The following TRIM11 variants were observed in gnomAD, a reference collection of about 807,000 sequenced individuals.
TRIM11 encodes tripartite motif containing 11, also known as E3 ubiquitin-protein ligase TRIM11.
In TRIM11, 15 loss-of-function variants were observed where a neutral mutation model predicts 33.4. The observed-to-expected ratio is 0.45, with a 90% CI of 0.30 to 0.69. The LOEUF is 0.69. TRIM11 is among the 30% of genes least tolerant of loss of function. The probability of loss-of-function intolerance (pLI) is 0.08; values close to 1 mark genes in which losing one functional copy is unlikely to be tolerated. For synonymous variants in TRIM11, 281 were observed against 302.6 expected (o/e 0.93, Z 0.74); for missense variants, 499 against 667.6 (o/e 0.75, Z 2.78).
In TRIM11 at chr1:228,406,757, G is replaced by A. The variant is rs1656435701; in HGVS notation, c.-196C>T. ...GCGCAGGACTCTGGGTTTCGGTAGC[G>A]CTGGGCGCGTAGGCTCCGAGCGCTC... On this transcript the variant is annotated 5_prime_UTR_variant, in exon 1 of 6. Transcript: ENST00000284551. This position sits in a 1 kb window ranked among gnomAD's most constrained non-coding sequence, Gnocchi z 8.2. The A allele has an allele frequency of 2.3e-6, 1 of 429,360 alleles. No individual in the cohort carries two copies. The highest frequency in any genetic ancestry group is 3.8e-6 in the Non-Finnish European group (1 of 260,564). The allele number at this position is 429,360 out of a possible 1,614,324, so 26.6% of individuals were successfully genotyped here.
At position 228,406,468 on chromosome 1, in the gene TRIM11, C is replaced by A; in HGVS notation, c.94G>T (p.Gly32Cys). The A allele has an allele frequency of 6.3e-7, 1 of 1,591,890 alleles. No individual in the cohort carries two copies. The highest frequency in any genetic ancestry group is 8.5e-7 in the Non-Finnish European group (1 of 1,172,908). The change falls in exon 1 of 6, where the codon GGC becomes TGC. Residue 32 changes from glycine (G) to cysteine (C), a missense_variant. Transcript: ENST00000284551. The surrounding 1 kb of genome is among the most constrained non-coding windows in gnomAD (Gnocchi z 8.2). The part of the protein sequence containing the change: ...YFTDPVMTDC[G>C]HNFCRECIRR... Reference sequence around the variant, plus strand: ...ATGCACTCGCGGCAGAAGTTGTGGCCGCAGTCGGTCATCACCGGATCCGTG... The same window carrying A: ...ATGCACTCGCGGCAGAAGTTGTGGCAGCAGTCGGTCATCACCGGATCCGTG...
intron 3 of TRIM11, among the ~76,000 whole-genome samples, chr1:228,399,055 T>C (rs527798114): frequency 6.6e-6 from 1 of 151,762 alleles, no homozygotes; most frequent in South Asian, 2.1e-4. Flanking sequence ...GGCCCCAGAG[T>C]CCACAGCAGC....
At position 228,403,345 on chromosome 1, in the gene TRIM11, A is replaced by G. The variant is rs1656295757; in HGVS notation, c.409-1184T>C. On this transcript the variant is annotated intron_variant, in intron 1 of 5. Coordinates refer to ENST00000284551, the MANE Select transcript of TRIM11 (RefSeq NM_145214.3). The surrounding 1 kb of genome is among the most constrained non-coding windows in gnomAD (Gnocchi z 4.8). ...GGGTCCAGAAGTCTGCCCCGGTAGC[A>G]GAGCCAGGACTTCAGCCCAGCTGCC... The G allele has an allele frequency of 6.6e-6, 1 of 152,276 alleles. No homozygotes were observed. The highest frequency in any genetic ancestry group is 2.1e-4 in the South Asian group (1 of 4,826). The allele number at this position is 152,276 out of a possible 1,614,324, so 9.4% of individuals were successfully genotyped here. A position where few individuals can be genotyped will look rare whatever the true frequency, so the allele number is the denominator to read the frequency against.
rs1314423235 is a variant in TRIM11, at chr1:228,400,993, A to G, written c.706T>C (p.Cys236Arg). Residue 236 changes from cysteine to arginine, a missense_variant, in exon 3 of 6, where the codon TGC becomes CGC. By Grantham distance (180) the Cys-to-Arg change is radical. Transcript: ENST00000284551. This position sits in a 1 kb window ranked among gnomAD's most constrained non-coding sequence, Gnocchi z 4.5. ...AGCAGCCCCAGAGCAGGCAGCTGGC[A>G]GCGGCCCTCGAGCTCGGCGATGAGC... ...AELIAELEGR[C>R]QLPALGLLQD... 2 of 1,592,938 alleles carry G rather than the reference A, an allele frequency of 1.3e-6. No homozygotes were observed. Among genetic ancestry groups the G allele is most frequent in the South Asian group, 1.1e-5 (1 of 89,012 alleles).
rs1321742050 is a variant in TRIM11 at position 228,394,975 on chromosome 1, G to C, written c.1137C>G (p.Ile379Met). 2 of 1,614,052 alleles carry C rather than the reference G, an allele frequency of 1.2e-6. No individual in the cohort carries two copies. Among genetic ancestry groups the C allele is most frequent in the African/African-American group, 1.3e-5 (1 of 74,930 alleles). Residue 379 changes from isoleucine to methionine, a missense_variant, in exon 6 of 6, where the codon ATC becomes ATG. By Grantham distance (10) the Ile-to-Met change is conservative. Transcript: ENST00000284551. This position sits in a 1 kb window ranked among gnomAD's most constrained non-coding sequence, Gnocchi z 6.2. ...GELSAGNGFW[I>M]LVFLGSYYNS... ...TGTAATAGCTCCCCAGGAAGACCAGGATCCAGAAGCCGTTGCCCGCGGACA... is the reference window on the plus strand; with the variant it reads ...TGTAATAGCTCCCCAGGAAGACCAGCATCCAGAAGCCGTTGCCCGCGGACA...
Position 228,393,677 on chromosome 1 carries a change from TG to T in TRIM11, c.*1027del, listed in dbSNP as rs1222493497. The T allele has an allele frequency of 6.6e-6, 1 of 152,218 alleles. No homozygotes were observed. Among genetic ancestry groups the T allele is most frequent in the Non-Finnish European group, 1.5e-5 (1 of 68,064 alleles). The allele number at this position is 152,218 out of a possible 1,614,324, so 9.4% of individuals were successfully genotyped here. A position where few individuals can be genotyped will look rare whatever the true frequency, so the allele number is the denominator to read the frequency against. The stretch of plus-strand genomic sequence containing the variant: ...CTAAGCAGGCACCAGCAGGATGACT[TG>T]TAGACAACAGCCAAAGTTTATTTAA... On this transcript the variant is annotated 3_prime_UTR_variant, in exon 6 of 6. Coordinates refer to ENST00000284551, the MANE Select transcript of TRIM11 (RefSeq NM_145214.3).
In TRIM11 at chr1:228,400,381, C is replaced by T. The variant is rs1050111837; in HGVS notation, c.735+583G>A. 2.0e-5 allele frequency among the ~76,000 whole-genome samples: 3 copies of T among 152,222 alleles called. No individual in the cohort carries two copies. The highest frequency in any genetic ancestry group is 2.0e-4 in the Admixed American group (3 of 15,286). On this transcript the variant is annotated intron_variant, in intron 3 of 5. Transcript: ENST00000284551. The surrounding 1 kb of genome is among the most constrained non-coding windows in gnomAD (Gnocchi z 4.5). The stretch of plus-strand genomic sequence containing the variant: ...CCCTGACCTGCCGCCAGGCCACAGG[C>T]CAGGGCGTCCACTGGTTCTGGTTTG...
At position 228,394,736 on chromosome 1, in the gene TRIM11, C is replaced by T. The variant is rs755833996; in HGVS notation, c.1376G>A (p.Gly459Asp). 35 of 1,609,840 alleles carry T rather than the reference C, an allele frequency of 2.2e-5. No individual in the cohort carries two copies. Among genetic ancestry groups the T allele is most frequent in the South Asian group, 4.4e-5 (4 of 90,800 alleles). The change falls in exon 6 of 6, where the codon GGT (glycine) becomes GAT (aspartate). Residue 459 changes from glycine (G) to aspartate (D), a missense_variant. Transcript: ENST00000284551. The surrounding 1 kb of genome is among the most constrained non-coding windows in gnomAD (Gnocchi z 6.2). ...PTPMTICRPK[G>D]GSGDTLAPQ ...GGGAGCCAGGGTGTCCCCGGACCCA[C>T]CTTTCGGCCGGCAGATAGTCATCGG...
chr1:228,396,912 G>A (rs2074991188), intron 5 of TRIM11, 35 bp downstream of exon 5: 4 of 1,602,388 alleles, frequency 2.5e-6, no homozygotes, highest in African/African-American at 2.7e-5. Flanking sequence ...GTCCCCTCCT[G>A]GAGTCATCTC....
At chr1:228,397,621 A>T (rs2074997558) in intron 3 of TRIM11, 1 of 173,424 alleles carries the variant, frequency 5.8e-6, no homozygotes, top group Non-Finnish European at 1.2e-5. Context: ...CTCCCTGCTC[A>T]GCCCCACTCT....
In TRIM11 at chr1:228,393,694, G is replaced by A. The variant is rs897299548; in HGVS notation, c.*1011C>T. Reference sequence around the variant, plus strand: ...GGATGACTTGTAGACAACAGCCAAAGTTTATTTAACGTGGGAATGCTTACA... The same window carrying A: ...GGATGACTTGTAGACAACAGCCAAAATTTATTTAACGTGGGAATGCTTACA... On this transcript the variant is annotated 3_prime_UTR_variant, in exon 6 of 6. Transcript: ENST00000284551. 6.6e-6 allele frequency: 1 copy of A among 152,238 alleles called. No individual in the cohort carries two copies. Among genetic ancestry groups the A allele is most frequent in the Non-Finnish European group, 1.5e-5 (1 of 68,074 alleles). The allele number at this position is 152,238 out of a possible 1,614,324, so 9.4% of individuals were successfully genotyped here.
At position 228,403,772 on chromosome 1, in the gene TRIM11, AG is replaced by A. The variant is rs2149094150; in HGVS notation, c.409-1612del. ...TGTGTTCAAGTGATTCTTCTGCCTCAGCCCCCTGAGTAGCTGGGATTACAGG... is the reference window on the plus strand; with the variant it reads ...TGTGTTCAAGTGATTCTTCTGCCTCACCCCCTGAGTAGCTGGGATTACAGG... On this transcript the variant is annotated intron_variant, in intron 1 of 5. Transcript: ENST00000284551. The surrounding 1 kb of genome is among the most constrained non-coding windows in gnomAD (Gnocchi z 4.8). The A allele has an allele frequency of 6.6e-6, 1 of 152,386 alleles. No individual in the cohort carries two copies. The highest frequency in any genetic ancestry group is 6.5e-5 in the Admixed American group (1 of 15,302). The allele number at this position is 152,386 out of a possible 1,614,324, so 9.4% of individuals were successfully genotyped here.
chr1:228,399,891 C>CAAAAAAAAAAAAACA (rs1656115376), intron 3 of TRIM11, among the ~76,000 whole-genome samples: 1 of 92,752 alleles, frequency 1.1e-5, no homozygotes, highest in African/African-American at 3.6e-5. Context: ...AAAAAAAAAA[C>CAAAAAAAAAAAAACA]AAAAAAAAAA....
intron 1 of TRIM11, chr1:228,402,436 C>A: frequency 3.5e-6 from 1 of 285,842 alleles, no homozygotes; most frequent in Middle Eastern, 1.0e-3. Flanking sequence ...CAGGCCTCAC[C>A]CCCCTTTGCA....
intron 1 of TRIM11, chr1:228,405,831 C>A (rs1036089112): frequency 3.6e-5 from 11 of 304,606 alleles, no homozygotes; most frequent in Non-Finnish European, 5.4e-5. Context: ...TCCTTGCCCC[C>A]ACTCCACCAC....
chr1:228,397,190 A>C, intron 3 of TRIM11, 25 bp from the exon 4 acceptor site: 1 of 1,606,592 alleles, frequency 6.2e-7, no homozygotes, highest in East Asian at 2.2e-5. Context: ...GAAACAGCAC[A>C]CTCGGTGTCA....
At chr1:228,398,005 G>C (rs1254543495) in intron 3 of TRIM11, among the ~76,000 whole-genome samples, 2 of 152,222 alleles carry the variant, frequency 1.3e-5, no homozygotes, top group African/African-American at 4.8e-5. Flanking sequence ...ATCAGTCTCT[G>C]CTGGGGAAGC....
At chr1:228,405,651 G>A (rs541577814) in intron 1 of TRIM11, 1 of 153,620 alleles carries the variant, frequency 6.5e-6, no homozygotes, top group African/African-American at 2.4e-5. Context: ...AGGTTAGAGA[G>A]GAAACGACTG....
chr1:228,397,491 G>A (rs946428567), intron 3 of TRIM11: 2 of 386,454 alleles, frequency 5.2e-6, no homozygotes, highest in East Asian at 4.7e-5. Context: ...GGGCGCCTCT[G>A]GGTGCCAAGG....
Sources: gnomAD v4.1 joint callset for allele counts (sites outside exome capture counted in the v4.1 genomes callset) on GRCh38, gnomAD v4.1.1 for gene constraint, Gnocchi (gnomAD v3.1) non-coding constraint, MANE v1.5 for transcripts, NCBI Gene and HGNC (gene_info 2026-07-23, HGNC 2026-07-21) for gene names.